Variants in RASGRF1 observed in about 807,000 individuals in gnomAD.
RASGRF1 encodes the protein Ras protein specific guanine nucleotide releasing factor 1.
A neutral mutation model predicts 138.7 loss-of-function variants in RASGRF1; 40 were observed. That is an observed-to-expected ratio of 0.29 (90% CI 0.22 to 0.38). RASGRF1 has a LOEUF of 0.38. RASGRF1 is among the 10% of genes least tolerant of loss of function. The pLI, the probability that RASGRF1 is intolerant of heterozygous loss-of-function variation, is 1.00. For synonymous variants in RASGRF1, 614 were observed against 663.2 expected (o/e 0.93, Z 1.14); for missense variants, 1,108 against 1,650.4 (o/e 0.67, Z 5.69).
intron 13 of RASGRF1, chr15:79,012,427 A>C (rs2056813942): frequency 1.6e-6 from 2 of 1,232,252 alleles, no homozygotes; most frequent in African/African-American, 3.0e-5. Flanking sequence ...GCTTTCTAAT[A>C]ATCTCTCTAT....
rs55706317 is a variant in RASGRF1, at chr15:79,035,141, C to A, written c.948G>T (p.Thr316=). The A allele has an allele frequency of 1.2e-6, 2 of 1,612,922 alleles. No homozygotes were observed. Among genetic ancestry groups the A allele is most frequent in the Non-Finnish European group, 1.7e-6 (2 of 1,179,100 alleles). ...GGGCTGACTACTCACCCAGGACCAGCGTGGGCCAGCTGGAGATGCGGGCCT... is the reference window on the plus strand; with the variant it reads ...GGGCTGACTACTCACCCAGGACCAGAGTGGGCCAGCTGGAGATGCGGGCCT... ...GLKARISSWP[T]LVLADLFDIL... Residue 316 remains threonine (T), a synonymous_variant, in exon 6 of 27, where the codon ACG becomes ACT. Transcript: ENST00000558480.
chr15:79,083,595 T>A (rs2057942383), intron 1 of RASGRF1, among the ~76,000 whole-genome samples: 1 of 152,156 alleles, frequency 6.6e-6, no homozygotes, highest in South Asian at 2.1e-4. Context: ...TGCTATTAAT[T>A]CTCTTTCTTT....
rs201493081 is a variant in RASGRF1, at chr15:79,027,814, G to A, written c.1308C>T (p.Asn436=). 9.8e-5 allele frequency: 159 copies of A among 1,614,216 alleles called. No individual in the cohort carries two copies. Among genetic ancestry groups the A allele is most frequent in the Non-Finnish European group, 1.0e-4 (119 of 1,180,044 alleles). ...EVSETENIRK[N]LAIERMIIEG... Reference sequence around the variant, plus strand: ...CGATGATCATGCGCTCGATGGCCAGGTTTTTCCGGATGTTCTCCGTCTCAC... The same window carrying A: ...CGATGATCATGCGCTCGATGGCCAGATTTTTCCGGATGTTCTCCGTCTCAC... Residue 436 remains asparagine (N), a synonymous_variant, in exon 9 of 27, where the codon AAC becomes AAT. Coordinates refer to ENST00000558480, the MANE Select transcript of RASGRF1 (RefSeq NM_001145648.3). The surrounding 1 kb of genome is among the most constrained non-coding windows in gnomAD (Gnocchi z 4.8).
chr15:78,980,383 G>T, intron 24 of RASGRF1: 1 of 386,182 alleles, frequency 2.6e-6, no homozygotes, highest in Non-Finnish European at 4.7e-6. Flanking sequence ...ATGCTTTCAG[G>T]GATCCCAGCA....
chr15:78,971,785 T>G, intron 26 of RASGRF1, 81 bp downstream of exon 26: 2 of 1,274,716 alleles, frequency 1.6e-6, no homozygotes, highest in Non-Finnish European at 2.3e-6. Flanking sequence ...AGTGGACGGG[T>G]ATGGAGGGGA....
At chr15:79,004,273 CG>C (rs1181144400) in intron 14 of RASGRF1, 98 bp from the exon 15 acceptor site, 2 of 1,396,084 alleles carry the variant, frequency 1.4e-6, no homozygotes, top group African/African-American at 2.9e-5. Context: ...GTGGCAGCAA[CG>C]GCTCCATCAT....
At chr15:79,058,191 A>T in intron 3 of RASGRF1, 143 bp downstream of exon 3, 1 of 1,262,126 alleles carries the variant, frequency 7.9e-7, no homozygotes, top group Non-Finnish European at 1.1e-6. Flanking sequence ...TGCCAGTACC[A>T]CCACGTCCTA....
chr15:79,047,580 C>T (rs1283090565), intron 4 of RASGRF1, among the ~76,000 whole-genome samples: 1 of 152,190 alleles, frequency 6.6e-6, no homozygotes, highest in African/African-American at 2.4e-5. Flanking sequence ...CATACTTAGC[C>T]CTCATCAGCG....
rs1046021218 is a variant in RASGRF1, at chr15:79,006,832, C to T, written c.1827-398G>A. 6.6e-5 allele frequency among the ~76,000 whole-genome samples: 10 copies of T among 151,986 alleles called. No homozygotes were observed. Among genetic ancestry groups the T allele is most frequent in the African/African-American group, 9.7e-5 (4 of 41,346 alleles). ...CTCAAGACCAGCCTGGGCAACATGG[C>T]GAAACCCTGTCTCTCTTAAAAATAC... is the stretch of plus-strand genomic sequence containing the variant. On this transcript the variant is annotated intron_variant, in intron 13 of 26. Transcript: ENST00000558480. The surrounding 1 kb of genome is among the most constrained non-coding windows in gnomAD (Gnocchi z 4.0).
rs534975314 is a variant in RASGRF1, at chr15:79,064,327, A to G, written c.383+93T>C. ...CCTCCTTTCCCATGCCCTCCACTTC[A>G]TGGGGCTTGGCTTTGTTCAAAGGCC... is the stretch of plus-strand genomic sequence containing the variant. On this transcript the variant is annotated intron_variant, in intron 2 of 26. Transcript: ENST00000558480. The G allele has an allele frequency of 3.7e-4, 454 of 1,212,654 alleles. 1 individual carries two copies. Among genetic ancestry groups the G allele is most frequent in the Non-Finnish European group, 5.0e-4 (420 of 848,464 alleles). The allele number at this position is 1,212,654 out of a possible 1,614,324, so 75.1% of individuals were successfully genotyped here. A position where few individuals can be genotyped will look rare whatever the true frequency, so the allele number is the denominator to read the frequency against.
At chr15:79,060,640 A>G (rs1244848593) in intron 2 of RASGRF1, among the ~76,000 whole-genome samples, 1 of 152,232 alleles carries the variant, frequency 6.6e-6, no homozygotes, top group African/African-American at 2.4e-5. Flanking sequence ...TCATAAGCAC[A>G]TGATGAACTG....
chr15:79,059,252 T>TCCTTCCCTTCCCTTCCCTTC (rs1381781477), intron 2 of RASGRF1, among the ~76,000 whole-genome samples: 1 of 22,632 alleles, frequency 4.4e-5, no homozygotes, highest in African/African-American at 2.9e-4. Flanking sequence ...CCCTTCCCTA[T>TCCTTCCCTTCCCTTCCCTTC]CCTTCCCTTC....
chr15:79,045,793 G>A (rs1440275887), intron 5 of RASGRF1, among the ~76,000 whole-genome samples: 2 of 152,226 alleles, frequency 1.3e-5, no homozygotes, highest in Non-Finnish European at 2.9e-5. Context: ...GGAAGAGAAG[G>A]ACACAGGGAA....
intron 3 of RASGRF1, among the ~76,000 whole-genome samples, chr15:79,053,003 A>G (rs1003538613): frequency 1.3e-5 from 2 of 152,194 alleles, no homozygotes; most frequent in Admixed American, 1.3e-4. Context: ...GCAATGGCTC[A>G]CACTTGTAAT....
intron 19 of RASGRF1, among the ~76,000 whole-genome samples, chr15:78,996,673 G>C (rs1023787951): frequency 2.0e-5 from 3 of 152,148 alleles, no homozygotes; most frequent in South Asian, 2.1e-4. Flanking sequence ...ATGCTCGGTG[G>C]GGGGCTCCAC....
chr15:79,011,104 C>T (rs2056786818), intron 13 of RASGRF1, among the ~76,000 whole-genome samples: 1 of 152,098 alleles, frequency 6.6e-6, no homozygotes, highest in South Asian at 2.1e-4. Context: ...AGGCTATCCG[C>T]TCCCCATTCT....
chr15:79,008,864 G>A (rs536183215), intron 13 of RASGRF1, among the ~76,000 whole-genome samples: 4 of 152,296 alleles, frequency 2.6e-5, no homozygotes, highest in South Asian at 2.1e-4. Flanking sequence ...GCAGCGCTCC[G>A]GAAAGATGCT....
At position 79,004,082 on chromosome 15, in the gene RASGRF1, CGAG is replaced by C. The variant is rs1567497992; in HGVS notation, c.2166_2168del (p.Ser723del). Reference sequence around the variant, plus strand: ...TCTTGGTGATGGACAGAGGTGGCGGCGAGGAGAACTTGCGGGTGGCGCGCGGGG... The same window carrying C: ...TCTTGGTGATGGACAGAGGTGGCGGCGAGAACTTGCGGGTGGCGCGCGGGG... On this transcript the variant is annotated inframe_deletion, in exon 15 of 27. Coordinates refer to ENST00000558480, the MANE Select transcript of RASGRF1 (RefSeq NM_001145648.3). 1.1e-5 allele frequency: 18 copies of C among 1,613,930 alleles called. No individual in the cohort carries two copies. Among genetic ancestry groups the C allele is most frequent in the Non-Finnish European group, 1.5e-5 (18 of 1,179,992 alleles).
At position 79,046,768 on chromosome 15, in the gene RASGRF1, C is replaced by T. The variant is rs766133238; in HGVS notation, c.856G>A (p.Val286Ile). 43 of 1,614,136 alleles carry T rather than the reference C, an allele frequency of 2.7e-5. No homozygotes were observed. The highest frequency in any genetic ancestry group is 8.3e-5 in the Admixed American group (5 of 60,012). Reference sequence around the variant, plus strand: ...CACCTGTTCAGGAAGATGCTGCTGACGTCGTCGTGTGTGATGGGAGGCTTC... The same window carrying T: ...CACCTGTTCAGGAAGATGCTGCTGATGTCGTCGTGTGTGATGGGAGGCTTC... ...SKKPPITHDD[V>I]SSIFLNSETI... The change falls in exon 5 of 27, where the codon GTC becomes ATC. Residue 286 changes from valine (V) to isoleucine (I), a missense_variant. Physicochemically the swap from Val to Ile is conservative, Grantham distance 29 (BLOSUM62 3). This residue lies in a region of RASGRF1 where 169 missense variants were observed against 344.2 expected (regional missense o/e 0.49). Transcript: ENST00000558480. This position sits in a 1 kb window ranked among gnomAD's most constrained non-coding sequence, Gnocchi z 5.3.
Sources: allele counts gnomAD v4.1 joint callset (sites outside exome capture counted in the v4.1 genomes callset), GRCh38; gene constraint gnomAD v4.1.1; regional missense constraint gnomAD v4.1.1; non-coding constraint Gnocchi (gnomAD v3.1); transcripts MANE v1.5; gene names NCBI Gene and HGNC (gene_info 2026-07-23, HGNC 2026-07-21).